The following OSBPL8 variants were observed in gnomAD, a reference collection of about 807,000 sequenced individuals.
OSBPL8 encodes oxysterol-binding protein-related protein 8.
In OSBPL8, 59 loss-of-function variants were observed where a neutral mutation model predicts 125.5. The ratio of observed to expected loss-of-function variants is 0.47; its 90% CI spans 0.38 to 0.58. OSBPL8 has a LOEUF of 0.58. OSBPL8 is among the 20% of genes least tolerant of loss of function. The pLI is 0.00. For synonymous variants in OSBPL8, 330 were observed against 338.9 expected (o/e 0.97, Z 0.29); for missense variants, 758 against 1,047.8 (o/e 0.72, Z 3.82).
intron 2 of OSBPL8, among the ~76,000 whole-genome samples, chr12:76,473,338 G>C (rs1425158705): frequency 6.6e-6 from 1 of 151,820 alleles, no homozygotes; most frequent in Non-Finnish European, 1.5e-5. Context: ...TTGTGCCCTC[G>C]GTCTCTTGCC....
chr12:76,467,552 A>C (rs1008462656), intron 2 of OSBPL8, among the ~76,000 whole-genome samples: 1 of 152,178 alleles, frequency 6.6e-6, no homozygotes, highest in Non-Finnish European at 1.5e-5. Flanking sequence ...TCTTTCTTTC[A>C]AACACTCAGG....
chr12:76,551,100 AAC>A (rs139067397), intron 1 of OSBPL8, among the ~76,000 whole-genome samples: 5 of 151,428 alleles, frequency 3.3e-5, no homozygotes, highest in Admixed American at 6.6e-5. Flanking sequence ...AAGAGAGGAA[AAC>A]ACACACACAC....
At chr12:76,397,980 T>C in intron 7 of OSBPL8, 83 bp from the exon 8 acceptor site, 2 of 1,207,578 alleles carry the variant, frequency 1.7e-6, no homozygotes, top group East Asian at 4.9e-5. Flanking sequence ...GATGTTTTAA[T>C]CTAAAATTTC....
At chr12:76,511,084 C>T (rs78964968) in intron 1 of OSBPL8, among the ~76,000 whole-genome samples, 3 of 152,148 alleles carry the variant, frequency 2.0e-5, no homozygotes, top group African/African-American at 7.2e-5. Flanking sequence ...TAAACCAGTA[C>T]ATAGGGATAT....
chr12:76,459,455 C>T lies in OSBPL8; in HGVS notation c.79+404G>A, dbSNP rs144190819. 2.4e-3 allele frequency among the ~76,000 whole-genome samples: 367 copies of T among 152,220 alleles called. 4 individuals carry two copies. The highest frequency in any genetic ancestry group is 7.7e-3 in the African/African-American group (321 of 41,542). ...AATACCCAAAGTATAAAACAATTTT[C>T]GTAATCAAATTATTATGTAAAAATT... On this transcript the variant is annotated intron_variant, in intron 3 of 23. Transcript: ENST00000261183.
At chr12:76,422,667 A>G (rs1014926863) in intron 4 of OSBPL8, 1 of 456,108 alleles carries the variant, frequency 2.2e-6, no homozygotes, top group African/African-American at 2.0e-5. Flanking sequence ...CAGAAGGTCT[A>G]TTTAATGTAT....
Position 76,378,557 on chromosome 12 carries a change from T to C in OSBPL8, c.1631-7A>G. On this transcript the variant is annotated splice_polypyrimidine_tract_variant and splice_region_variant and intron_variant, in intron 15 of 23. Transcript: ENST00000261183. Reference sequence around the variant, plus strand: ...ATTGCAGATAATGAGTTTCCTGAAATAAAATGTTGTTTATTAAATTTCACA... The same window carrying C: ...ATTGCAGATAATGAGTTTCCTGAAACAAAATGTTGTTTATTAAATTTCACA... 1.3e-6 allele frequency: 2 copies of C among 1,557,626 alleles called. No homozygotes were observed. Among genetic ancestry groups the C allele is most frequent in the Non-Finnish European group, 1.8e-6 (2 of 1,141,768 alleles).
chr12:76,381,730 C>CTTTTTTTTTTTTTTTTTTTTT (rs796127975), intron 15 of OSBPL8, among the ~76,000 whole-genome samples: 1 of 144,320 alleles, frequency 6.9e-6, no homozygotes, highest in Non-Finnish European at 1.5e-5. Flanking sequence ...CATTTACTTT[C>CTTTTTTTTTTTTTTTTTTTTT]TTTTTTTTTT....
rs1951932830 is a variant in OSBPL8, at chr12:76,355,040, A to T, written c.*849T>A. 6.6e-6 allele frequency: 1 copy of T among 152,468 alleles called. No homozygotes were observed. Among genetic ancestry groups the T allele is most frequent in the Admixed American group, 6.6e-5 (1 of 15,264 alleles). The allele number at this position is 152,468 out of a possible 1,614,324, so 9.4% of individuals were successfully genotyped here. A position where few individuals can be genotyped will look rare whatever the true frequency, so the allele number is the denominator to read the frequency against. On this transcript the variant is annotated 3_prime_UTR_variant, in exon 24 of 24. Coordinates refer to ENST00000261183, the MANE Select transcript of OSBPL8 (RefSeq NM_020841.5). ...TATCAGCACTTCAAATGCTCTATAA[A>T]CATCTCTAGAATTTGGCCTATGTTA...
intron 1 of OSBPL8, among the ~76,000 whole-genome samples, chr12:76,498,607 T>C (rs932273147): frequency 6.6e-6 from 1 of 152,212 alleles, no homozygotes; most frequent in Non-Finnish European, 1.5e-5. Flanking sequence ...CGCAGACATT[T>C]TATAAGCTCT....
intron 4 of OSBPL8, among the ~76,000 whole-genome samples, chr12:76,426,242 G>A (rs1295925894): frequency 6.6e-6 from 1 of 152,182 alleles, no homozygotes; most frequent in Non-Finnish European, 1.5e-5. Context: ...CCCAGCTGTA[G>A]CCAATCATGC....
chr12:76,556,403 G>A (rs558398640), intron 1 of OSBPL8, among the ~76,000 whole-genome samples: 5 of 152,194 alleles, frequency 3.3e-5, no homozygotes, highest in South Asian at 2.1e-4. Context: ...CTTCTATCAC[G>A]CCTTCCACAT....
At chr12:76,394,818 T>C in intron 8 of OSBPL8, 89 bp from the exon 9 acceptor site, 1 of 845,976 alleles carries the variant, frequency 1.2e-6, no homozygotes, top group Non-Finnish European at 1.7e-6. Context: ...TGTAATAATC[T>C]AAATCAGGTA....
chr12:76,552,575 T>C (rs1032521630), intron 1 of OSBPL8, among the ~76,000 whole-genome samples: 5 of 152,232 alleles, frequency 3.3e-5, no homozygotes, highest in Non-Finnish European at 7.4e-5. Flanking sequence ...ACAGGCTTCC[T>C]GGCTCTCACT....
At chr12:76,368,821 A>G (rs1160757455) in intron 21 of OSBPL8, among the ~76,000 whole-genome samples, 1 of 152,190 alleles carries the variant, frequency 6.6e-6, no homozygotes, top group Non-Finnish European at 1.5e-5. Context: ...AGGTTAGGAC[A>G]GACATACACA....
chr12:76,355,807 T>C lies in OSBPL8; in HGVS notation c.*82A>G. On this transcript the variant is annotated 3_prime_UTR_variant, in exon 24 of 24. Coordinates refer to ENST00000261183, the MANE Select transcript of OSBPL8 (RefSeq NM_020841.5). ...TTTGTTTTCGGAATATTGTGATTTT[T>C]AATAAAGACCAAACCAACTTGAACA... is the stretch of plus-strand genomic sequence containing the variant. 1 of 1,469,494 alleles carries C rather than the reference T, an allele frequency of 6.8e-7. No homozygotes were observed. The highest frequency in any genetic ancestry group is 9.2e-7 in the Non-Finnish European group (1 of 1,092,574). The allele number at this position is 1,469,494 out of a possible 1,614,324, so 91.0% of individuals were successfully genotyped here.
At chr12:76,474,436 C>T (rs1265248084) in intron 2 of OSBPL8, among the ~76,000 whole-genome samples, 3 of 151,388 alleles carry the variant, frequency 2.0e-5, no homozygotes, top group African/African-American at 7.3e-5. Context: ...TACACACATA[C>T]ATATATATAT....
intron 4 of OSBPL8, among the ~76,000 whole-genome samples, 185 bp downstream of exon 4, chr12:76,450,666 C>T (rs541847973): frequency 1.3e-5 from 2 of 151,802 alleles, no homozygotes; most frequent in African/African-American, 4.8e-5. Flanking sequence ...AATTAAAAGT[C>T]TAAAGGAAAG....
chr12:76,555,379 C>T (rs17042359), intron 1 of OSBPL8, among the ~76,000 whole-genome samples: 7,033 of 152,120 alleles, frequency 0.046, 571 homozygotes, highest in African/African-American at 0.16. Flanking sequence ...GGCCTCATTT[C>T]TACCAGAAAA....
Sources: gnomAD v4.1 joint callset for allele counts (sites outside exome capture counted in the v4.1 genomes callset) on GRCh38, gnomAD v4.1.1 for gene constraint, MANE v1.5 for transcripts, NCBI Gene and HGNC (gene_info 2026-07-23, HGNC 2026-07-21) for gene names.